ARHGEF10L: variants seen among roughly 807,000 people sequenced by gnomAD.
ARHGEF10L encodes the protein Rho guanine nucleotide exchange factor 10 like.
A neutral mutation model predicts 141.2 loss-of-function variants in ARHGEF10L; 69 were observed. That is an observed-to-expected ratio of 0.49 (90% CI 0.40 to 0.60). The LOEUF (loss-of-function observed/expected upper bound fraction) is 0.60, where lower values mean the gene tolerates loss of function less well. ARHGEF10L is among the 20% of genes least tolerant of loss of function. The pLI, the probability that ARHGEF10L is intolerant of heterozygous loss-of-function variation, is 0.00. For missense variants in ARHGEF10L, 1,482 were observed against 1,734.3 expected (o/e 0.85, Z 2.58); for synonymous variants, 711 against 718.5 (o/e 0.99, Z 0.17).
intron 26 of ARHGEF10L, among the ~76,000 whole-genome samples, chr1:17,686,794 C>T (rs1387397006): frequency 6.6e-6 from 1 of 150,856 alleles, no homozygotes; most frequent in Non-Finnish European, 1.5e-5. Context: ...TCATTTGTAT[C>T]TTCTTTTTTA....
At chr1:17,665,100 G>A (rs566259582) in intron 26 of ARHGEF10L, among the ~76,000 whole-genome samples, 26 of 152,330 alleles carry the variant, frequency 1.7e-4, no homozygotes, top group African/African-American at 6.0e-4. Context: ...GCCTAGGCCC[G>A]TGCCTGTCTC....
chr1:17,647,131 G>C (rs1034498278), intron 21 of ARHGEF10L, among the ~76,000 whole-genome samples: 2 of 152,158 alleles, frequency 1.3e-5, no homozygotes, highest in Admixed American at 1.3e-4. Flanking sequence ...GTGCCCACAG[G>C]CCTCTGCGAT....
Position 17,648,716 on chromosome 1 carries a change from C to T in ARHGEF10L, c.2394+41C>T, listed in dbSNP as rs765365325. The T allele has an allele frequency of 4.4e-6, 7 of 1,598,136 alleles. No individual in the cohort carries two copies. The South Asian group carries it at 5.5e-5, about 13-fold the overall frequency. The stretch of plus-strand genomic sequence containing the variant: ...CTTGCTGAGCCGACCTCGAAGGTGG[C>T]TGCGGCTCCCCCTCGCCTGGGAGAA... On this transcript the variant is annotated intron_variant, in intron 22 of 28. Transcript: ENST00000361221.
At chr1:17,682,874 G>A (rs553579735) in intron 26 of ARHGEF10L, among the ~76,000 whole-genome samples, 4 of 152,290 alleles carry the variant, frequency 2.6e-5, no homozygotes, top group East Asian at 3.9e-4. Context: ...GTCTGGAGGT[G>A]CTTGGCCTGG....
At chr1:17,537,744 C>T (rs778586744), upstream of ARHGEF10L, among the ~76,000 whole-genome samples, 4 of 149,804 alleles carry the variant, frequency 2.7e-5, no homozygotes, top group Non-Finnish European at 4.4e-5. Context: ...AGGCCGGGCA[C>T]GGTGATTCAC....
chr1:17,648,625 A>T lies in ARHGEF10L; in HGVS notation c.2344A>T (p.Ile782Phe), dbSNP rs1201027857. 3 of 1,613,250 alleles carry T rather than the reference A, an allele frequency of 1.9e-6. No individual in the cohort carries two copies. The highest frequency in any genetic ancestry group is 2.5e-6 in the Non-Finnish European group (3 of 1,180,004). ...GAGCAAAGCCCCATTCTGGTGCCCGATCCTGGCCTGCTGCATCCCTGCCTT... is the reference window on the plus strand; with the variant it reads ...GAGCAAAGCCCCATTCTGGTGCCCGTTCCTGGCCTGCTGCATCCCTGCCTT... ...KKSKAPFWCP[I>F]LACCIPAFSS... The change falls in exon 22 of 29, where the codon ATC becomes TTC. Residue 782 changes from isoleucine to phenylalanine, a missense_variant. Physicochemically the swap from Ile to Phe is conservative, Grantham distance 21. Transcript: ENST00000361221.
At chr1:17,630,931 T>C (rs965852453) in intron 15 of ARHGEF10L, among the ~76,000 whole-genome samples, 1 of 150,298 alleles carries the variant, frequency 6.7e-6, no homozygotes, top group African/African-American at 2.5e-5. Flanking sequence ...TCTGTGTTTT[T>C]CTCTCTGGGG....
Position 17,588,849 on chromosome 1 carries a change from A to AGTGTGTGTGTGTGTGTGTGTGT in ARHGEF10L, c.257+399_257+420dup, listed in dbSNP as rs57719075. On this transcript the variant is annotated intron_variant, in intron 4 of 28. Coordinates refer to ENST00000361221, the MANE Select transcript of ARHGEF10L (RefSeq NM_018125.4). Reference sequence around the variant, plus strand: ...AGAAGCAAACAGCTGGAGGGTCCCCAGTGTGTGTGTGTGTGTGTGTGTGTG... The same window carrying AGTGTGTGTGTGTGTGTGTGTGT: ...AGAAGCAAACAGCTGGAGGGTCCCCAGTGTGTGTGTGTGTGTGTGTGTGTGTGTGTGTGTGTGTGTGTGTGTG... Among the ~76,000 whole-genome samples the AGTGTGTGTGTGTGTGTGTGTGT allele has an allele frequency of 6.4e-4, 13 of 20,432 alleles. 2 individuals are homozygous for AGTGTGTGTGTGTGTGTGTGTGT. The highest frequency in any genetic ancestry group is 1.2e-3 in the African/African-American group (6 of 5,140). The allele number at this position is 20,432 out of a possible 152,430, so 13.4% of individuals were successfully genotyped here.
the ARHGEF10L span, among the ~76,000 whole-genome samples, chr1:17,517,500 A>C: frequency 6.7e-6 from 1 of 149,876 alleles, no homozygotes; most frequent in African/African-American, 2.5e-5. Context: ...GTTTTTGTAG[A>C]GAGAGTTTCG....
intron 9 of ARHGEF10L, among the ~76,000 whole-genome samples, chr1:17,616,674 G>A (rs796373680): frequency 6.6e-6 from 1 of 152,364 alleles, no homozygotes; most frequent in African/African-American, 2.4e-5. Flanking sequence ...GGCACAGCGC[G>A]GGAGACAGGC....
the ARHGEF10L span, among the ~76,000 whole-genome samples, chr1:17,521,249 T>A: frequency 6.6e-6 from 1 of 152,162 alleles, no homozygotes; most frequent in Admixed American, 6.6e-5. Context: ...CAGGCTAGAG[T>A]GCAATGGCAT....
intron 26 of ARHGEF10L, among the ~76,000 whole-genome samples, 157 bp downstream of exon 26, chr1:17,664,752 A>G (rs747677739): frequency 1.3e-5 from 2 of 152,278 alleles, no homozygotes; most frequent in South Asian, 4.1e-4. Context: ...CAAGGTCCCT[A>G]TTGGGCCTGA....
chr1:17,670,029 G>A (rs918475498), intron 26 of ARHGEF10L, among the ~76,000 whole-genome samples: 5 of 152,268 alleles, frequency 3.3e-5, no homozygotes, highest in African/African-American at 7.2e-5. Flanking sequence ...TCGGCTATGC[G>A]GGTGAGTTGG....
chr1:17,641,093 C>A (rs1038675229), intron 21 of ARHGEF10L, among the ~76,000 whole-genome samples: 1 of 152,196 alleles, frequency 6.6e-6, no homozygotes, highest in African/African-American at 2.4e-5. Flanking sequence ...CGATCCCCAT[C>A]CATTCTGCTT....
chr1:17,672,992 T>C (rs2063417529), intron 26 of ARHGEF10L, among the ~76,000 whole-genome samples: 1 of 152,130 alleles, frequency 6.6e-6, no homozygotes, highest in East Asian at 1.9e-4. Context: ...TTCCTGTGTC[T>C]AGCACTTGGA....
intron 4 of ARHGEF10L, among the ~76,000 whole-genome samples, chr1:17,590,453 C>T (rs1406627284): frequency 2.6e-5 from 4 of 152,092 alleles, no homozygotes; most frequent in East Asian, 1.9e-4. Context: ...GCCGGCTCTT[C>T]GCTCCCCCAA....
chr1:17,648,487 G>A (rs1412923906), intron 21 of ARHGEF10L, 67 bp from the exon 22 acceptor site: 8 of 1,583,690 alleles, frequency 5.1e-6, no homozygotes, highest in African/African-American at 1.3e-5. Flanking sequence ...GGCTTGGAGG[G>A]CTCCTCATGG....
intron 1 of ARHGEF10L, among the ~76,000 whole-genome samples, chr1:17,579,658 G>A (rs1465738276): frequency 1.3e-5 from 2 of 152,182 alleles, no homozygotes; most frequent in African/African-American, 4.8e-5. Flanking sequence ...AAAGCCTTTA[G>A]GAATGGAAAG....
At chr1:17,602,408 G>A (rs1290906007) in intron 5 of ARHGEF10L, among the ~76,000 whole-genome samples, 190 bp downstream of exon 5, 1 of 152,234 alleles carries the variant, frequency 6.6e-6, no homozygotes. Flanking sequence ...GACACACCCA[G>A]TTTTTCATCT....
Sources: gnomAD v4.1 joint callset for allele counts (sites outside exome capture counted in the v4.1 genomes callset) on GRCh38, gnomAD v4.1.1 for gene constraint, MANE v1.5 for transcripts, NCBI Gene and HGNC (gene_info 2026-07-23, HGNC 2026-07-21) for gene names.